Variants in SNW1 observed in about 807,000 individuals in gnomAD.
SNW1 encodes the protein SNW domain-containing protein 1.
In SNW1, 9 loss-of-function variants were observed where a neutral mutation model predicts 75.6. The ratio of observed to expected loss-of-function variants is 0.12; its 90% CI spans 0.07 to 0.21. The LOEUF is 0.21. Among genes scored for constraint, SNW1 ranks in the 10% least tolerant of loss-of-function variants. The pLI, the probability that SNW1 is intolerant of heterozygous loss-of-function variation, is 1.00. For missense variants in SNW1, 409 were observed against 670.9 expected (o/e 0.61, Z 4.31); for synonymous variants, 200 against 219.1 (o/e 0.91, Z 0.77).
intron 5 of SNW1, among the ~76,000 whole-genome samples, chr14:77,738,099 T>C (rs2139912056): frequency 6.7e-6 from 1 of 149,642 alleles, no homozygotes; most frequent in Non-Finnish European, 1.5e-5. Flanking sequence ...AGTTCAGGAG[T>C]TCGAGACCAG....
intron 3 of SNW1, among the ~76,000 whole-genome samples, chr14:77,746,413 A>C (rs550422076): frequency 6.6e-6 from 1 of 152,224 alleles, no homozygotes; most frequent in South Asian, 2.1e-4. Context: ...GAGAAGTGTT[A>C]AGGAAATAAG....
intron 1 of SNW1, among the ~76,000 whole-genome samples, chr14:77,758,302 T>G: frequency 1.0e-5 from 1 of 99,922 alleles, no homozygotes; most frequent in South Asian, 3.4e-4. Flanking sequence ...TGGGTGAGAG[T>G]GAGACTCTGC....
intron 8 of SNW1, among the ~76,000 whole-genome samples, chr14:77,732,920 C>G (rs1466933185): frequency 2.6e-5 from 4 of 152,166 alleles, no homozygotes; most frequent in Non-Finnish European, 5.9e-5. Context: ...CTTGGCCTCC[C>G]AAAGTGCTGG....
intron 1 of SNW1, among the ~76,000 whole-genome samples, chr14:77,758,079 C>T (rs1368426885): frequency 6.6e-6 from 1 of 151,928 alleles, no homozygotes; most frequent in Non-Finnish European, 1.5e-5. Flanking sequence ...CCTGTAATTC[C>T]AACACTTTGG....
At chr14:77,747,878 C>G (rs1281158748) in intron 3 of SNW1, among the ~76,000 whole-genome samples, 2 of 150,708 alleles carry the variant, frequency 1.3e-5, no homozygotes, top group Non-Finnish European at 3.0e-5. Context: ...GGTGAGGAGC[C>G]CCTCTGCCCA....
intron 2 of SNW1, among the ~76,000 whole-genome samples, chr14:77,752,410 G>A (rs758432874): frequency 2.0e-4 from 31 of 152,264 alleles, no homozygotes; most frequent in Non-Finnish European, 4.0e-4. Flanking sequence ...AAATAAACAT[G>A]AGGATCAAGT....
At chr14:77,738,113 G>A (rs1033729475) in intron 5 of SNW1, among the ~76,000 whole-genome samples, 2 of 151,714 alleles carry the variant, frequency 1.3e-5, no homozygotes, top group African/African-American at 2.4e-5. Context: ...AGACCAGCCT[G>A]GCCAACATGG....
At chr14:77,719,849 C>T (rs1239503767) in intron 12 of SNW1, among the ~76,000 whole-genome samples, 2 of 152,052 alleles carry the variant, frequency 1.3e-5, no homozygotes, top group South Asian at 2.1e-4. Flanking sequence ...AATAAATTAT[C>T]ACTTAGAAGA....
At chr14:77,742,857 A>G (rs2080729109) in intron 3 of SNW1, among the ~76,000 whole-genome samples, 1 of 151,818 alleles carries the variant, frequency 6.6e-6, no homozygotes, top group South Asian at 2.1e-4. Flanking sequence ...GAGCCAATGC[A>G]CTTGGCCTGT....
intron 1 of SNW1, among the ~76,000 whole-genome samples, chr14:77,756,455 T>C (rs17752707): frequency 0.036 from 5,493 of 152,286 alleles, 145 homozygotes; most frequent in South Asian, 0.053. Context: ...ATTTTTACCA[T>C]TATGCTCCTT....
chr14:77,718,444 C>A lies in SNW1; in HGVS notation c.1335G>T (p.Gln445His), dbSNP rs780572740. 4 of 1,613,884 alleles carry A rather than the reference C, an allele frequency of 2.5e-6. No homozygotes were observed. Among genetic ancestry groups the A allele is most frequent in the Non-Finnish European group, 3.4e-6 (4 of 1,179,800 alleles). ...QAWRGGKDMA[Q>H]SIYRPSKNLD... ...GATTTTTACTGGGCCTATAAATACT[C>A]TGGGCCATATCTTTACCACCTCTCC... The change falls in exon 13 of 14, where the codon CAG becomes CAT. Residue 445 changes from glutamine to histidine, a missense_variant. Physicochemically the swap from Gln to His is conservative, Grantham distance 24 (BLOSUM62 0). Transcript: ENST00000261531.
intron 11 of SNW1, chr14:77,722,436 T>A: frequency 2.4e-6 from 1 of 419,904 alleles, no homozygotes; most frequent in South Asian, 1.7e-5. Flanking sequence ...TTCTCCTCAA[T>A]TGTACTAGAT....
intron 10 of SNW1, chr14:77,730,764 T>G: frequency 2.1e-6 from 1 of 468,814 alleles, no homozygotes; most frequent in East Asian, 3.6e-5. Flanking sequence ...CTCAGAAGTT[T>G]AAAAATTTCT....
At chr14:77,754,831 C>T in intron 2 of SNW1, 136 bp downstream of exon 2, 1 of 752,298 alleles carries the variant, frequency 1.3e-6, no homozygotes, top group Non-Finnish European at 2.1e-6. Context: ...AAATATACAT[C>T]TTGAGAGCAC....
chr14:77,724,597 G>C (rs920866610), intron 10 of SNW1, among the ~76,000 whole-genome samples: 1 of 152,100 alleles, frequency 6.6e-6, no homozygotes, highest in Non-Finnish European at 1.5e-5. Flanking sequence ...CATACAAGTG[G>C]GAAGATTCAG....
intron 10 of SNW1, among the ~76,000 whole-genome samples, chr14:77,727,499 C>T (rs1483704384): frequency 6.6e-6 from 1 of 152,192 alleles, no homozygotes; most frequent in Non-Finnish European, 1.5e-5. Context: ...CAATGTTTCT[C>T]CATTCAGTAT....
chr14:77,723,143 G>A (rs373761652), intron 11 of SNW1, 38 bp downstream of exon 11: 30 of 1,538,720 alleles, frequency 1.9e-5, no homozygotes, highest in Middle Eastern at 1.7e-4. Flanking sequence ...CACTGCGCCC[G>A]GCCACCATGA....
chr14:77,747,128 G>A (rs549509578), intron 3 of SNW1, among the ~76,000 whole-genome samples: 10 of 152,284 alleles, frequency 6.6e-5, no homozygotes, highest in South Asian at 2.1e-4. Context: ...TGTGTTGGCC[G>A]GGCTGGTCTC....
intron 10 of SNW1, among the ~76,000 whole-genome samples, chr14:77,728,154 A>G (rs2080600594): frequency 6.6e-6 from 1 of 152,068 alleles, no homozygotes; most frequent in African/African-American, 2.4e-5. Context: ...TGTTCATAAT[A>G]AAATGTCAGG....
Sources: allele counts gnomAD v4.1 joint callset (sites outside exome capture counted in the v4.1 genomes callset), GRCh38; gene constraint gnomAD v4.1.1; transcripts MANE v1.5; gene names NCBI Gene and HGNC (gene_info 2026-07-23, HGNC 2026-07-21).